The following FANCM variants were observed in gnomAD, a reference collection of about 807,000 sequenced individuals.
The protein encoded by FANCM is FA complementation group M.
Under a neutral mutation model 199.5 loss-of-function variants are expected in FANCM, and 140 were observed. That is an observed-to-expected ratio of 0.70 (90% CI 0.61 to 0.81). FANCM has a LOEUF of 0.81. Among genes scored for constraint, FANCM ranks in the 30% least tolerant of loss-of-function variants. FANCM has a pLI of 0.00. For missense variants in FANCM, 2,410 were observed against 2,421.4 expected (o/e 1.00, Z 0.10); for synonymous variants, 840 against 836.8 (o/e 1.00, Z -0.07).
Position 45,198,771 on chromosome 14 carries a change from G to A in FANCM, c.5844G>A (p.Leu1948=). The change falls in exon 22 of 23, where the codon CTG becomes CTA. Residue 1948 remains leucine, a synonymous_variant. Transcript: ENST00000267430. ...QEETADLLKE[L]SLVEQRKNVG... is the part of the protein sequence containing the mutation. ...AAACCGCAGATTTGCTAAAGGAACT[G>A]TCTTTAGTGGAACAAAGAAAGAATG... 6.2e-7 allele frequency: 1 copy of A among 1,614,042 alleles called. No homozygotes were observed. The highest frequency in any genetic ancestry group is 8.5e-7 in the Non-Finnish European group (1 of 1,179,952).
rs776212643 is a variant in FANCM, at chr14:45,170,780, C to CG, written c.2160+34_2160+35insG. The CG allele has an allele frequency of 8.9e-6, 14 of 1,579,086 alleles. No homozygotes were observed. In the South Asian group the frequency reaches 1.6e-4, roughly 18 times the overall value. On this transcript the variant is annotated intron_variant, in intron 12 of 22. Coordinates refer to ENST00000267430, the MANE Select transcript of FANCM (RefSeq NM_020937.4). Reference sequence around the variant, plus strand: ...AATATATTTTCAGATGTTCTTTTCCCCCCCCTCATTTTAATGCCAGAACCC... The same window carrying CG: ...AATATATTTTCAGATGTTCTTTTCCCGCCCCCTCATTTTAATGCCAGAACCC...
Position 45,185,309 on chromosome 14 carries a change from T to C in FANCM, c.4608T>C (p.Asn1536=). Residue 1536 remains asparagine, a synonymous_variant, in exon 18 of 23, where the codon AAT becomes AAC. Transcript: ENST00000267430. ...VSSDENDESE[N]EQDSSLLDFL... ...CAGATGAAAATGATGAGTCAGAAAA[T>C]GAACAAGATTCCTCATTACTTGACT... 1.3e-6 allele frequency: 2 copies of C among 1,596,986 alleles called. No individual in the cohort carries two copies. The highest frequency in any genetic ancestry group is 1.7e-6 in the Non-Finnish European group (2 of 1,166,930).
At chr14:45,154,352 G>C (rs1887034722) in intron 6 of FANCM, among the ~76,000 whole-genome samples, 1 of 147,054 alleles carries the variant, frequency 6.8e-6, no homozygotes, top group Admixed American at 6.9e-5. Flanking sequence ...CTTGAGTCAA[G>C]ATCATGCTGC....
rs1257244524 is a variant in FANCM, at chr14:45,153,960, G to C, written c.1091G>C (p.Cys364Ser). 1.1e-5 allele frequency: 18 copies of C among 1,604,268 alleles called. No individual in the cohort carries two copies. The Admixed American group carries it at 2.7e-4, about 24-fold the overall frequency. The change falls in exon 6 of 23, where the codon TGT becomes TCT. Residue 364 changes from cysteine (C) to serine (S), a missense_variant. Coordinates refer to ENST00000267430, the MANE Select transcript of FANCM (RefSeq NM_020937.4). ...ATAATCGAGGGAGAGTTTGCTATTTGTATTAGTTTATATCATGGTTATGAA... is the reference window on the plus strand; with the variant it reads ...ATAATCGAGGGAGAGTTTGCTATTTCTATTAGTTTATATCATGGTTATGAA... ...QGIIEGEFAI[C>S]ISLYHGYELL...
chr14:45,191,925 T>A (rs945499248), intron 20 of FANCM, among the ~76,000 whole-genome samples: 2 of 152,162 alleles, frequency 1.3e-5, no homozygotes, highest in African/African-American at 4.8e-5. Flanking sequence ...TTTCTTTGTA[T>A]TTCCTGACCT....
At chr14:45,159,336 G>A in intron 9 of FANCM, 56 bp downstream of exon 9, 1 of 1,359,336 alleles carries the variant, frequency 7.4e-7, no homozygotes, top group Non-Finnish European at 1.0e-6. Flanking sequence ...CTTTGCACTT[G>A]TTCTTTTTTT....
At chr14:45,166,705 G>T (rs1332623927) in intron 10 of FANCM, among the ~76,000 whole-genome samples, 2 of 151,530 alleles carry the variant, frequency 1.3e-5, no homozygotes, top group African/African-American at 4.9e-5. Flanking sequence ...GAGCCCAGGA[G>T]GTTGAGGCTG....
At chr14:45,190,409 A>T (rs766339557) in intron 20 of FANCM, among the ~76,000 whole-genome samples, 16 of 152,210 alleles carry the variant, frequency 1.1e-4, no homozygotes, top group Non-Finnish European at 2.2e-4. Context: ...TGGCTAGATC[A>T]AGCTAATTAA....
At position 45,138,946 on chromosome 14, in the gene FANCM, AGT is replaced by A. The variant is rs1462442673; in HGVS notation, c.682-1685_682-1684del. ...ATTTGGCTTACTTTTCATATGTAAT[AGT>A]TCTGGAAGGCATATTGATACATGTG... is the stretch of plus-strand genomic sequence containing the variant. On this transcript the variant is annotated intron_variant, in intron 2 of 22. Transcript: ENST00000267430. 3.9e-5 allele frequency among the ~76,000 whole-genome samples: 6 copies of A among 152,228 alleles called. No individual in the cohort carries two copies. The East Asian group carries it at 1.2e-3, about 29-fold the overall frequency.
At chr14:45,143,091 T>G (rs1886091210) in intron 3 of FANCM, among the ~76,000 whole-genome samples, 1 of 152,042 alleles carries the variant, frequency 6.6e-6, no homozygotes, top group South Asian at 2.1e-4. Flanking sequence ...AGTCCAATAC[T>G]ATTTTATCAA....
At position 45,189,185 on chromosome 14, in the gene FANCM, T is replaced by G. The variant is rs1348275509; in HGVS notation, c.5163T>G (p.Thr1721=). ...GSSAQSKVRS[T]PRVNPLAKQS... ...CTGCGCAGTCCAAGGTGCGTTCTAC[T>G]CCAAGAGTTAATCCATTAGCAAAGC... Residue 1721 remains threonine (T), a synonymous_variant, in exon 20 of 23, where the codon ACT becomes ACG. Transcript: ENST00000267430. 1 of 1,614,166 alleles carries G rather than the reference T, an allele frequency of 6.2e-7. No homozygotes were observed. Among genetic ancestry groups the G allele is most frequent in the South Asian group, 1.1e-5 (1 of 91,078 alleles).
Position 45,135,965 on chromosome 14 carries a change from G to C in FANCM, c.-67G>C. 6.4e-7 allele frequency: 1 copy of C among 1,558,314 alleles called. No homozygotes were observed. On this transcript the variant is annotated 5_prime_UTR_variant, in exon 1 of 23. Coordinates refer to ENST00000267430, the MANE Select transcript of FANCM (RefSeq NM_020937.4). ...GTGCGAAGGAAACCGATGGGGATCG[G>C]AACCGTAGCGGTTGAGCTGCTGCTG...
intron 3 of FANCM, among the ~76,000 whole-genome samples, chr14:45,145,400 C>G (rs1594761612): frequency 6.6e-6 from 1 of 152,058 alleles, no homozygotes; most frequent in Admixed American, 6.6e-5. Flanking sequence ...AACTTAAGTT[C>G]CAACCACTAG....
chr14:45,200,855 C>T lies in FANCM; in HGVS notation c.*847C>T, dbSNP rs551623775. 2 of 152,064 alleles carry T rather than the reference C, an allele frequency of 1.3e-5. No individual in the cohort carries two copies. The highest frequency in any genetic ancestry group is 2.9e-5 in the Non-Finnish European group (2 of 68,042). 9.4% of individuals were successfully genotyped at this position (152,064 alleles called of 1,614,324 possible). The stretch of plus-strand genomic sequence containing the variant: ...CCGAGGCCTCCCCAGCCATGCAGGA[C>T]TGTGAGTCAATTAAACATCTTTTCC... On this transcript the variant is annotated 3_prime_UTR_variant, in exon 23 of 23. Transcript: ENST00000267430.
In FANCM at chr14:45,189,078, T is replaced by A. The variant is rs1188747235; in HGVS notation, c.5056T>A (p.Ser1686Thr). The A allele has an allele frequency of 6.2e-7, 1 of 1,614,158 alleles. No homozygotes were observed. The highest frequency in any genetic ancestry group is 1.7e-5 in the Admixed American group (1 of 60,020). The part of the protein sequence containing the change: ...EENNVNDKRE[S>T]NIAVNPSTVK... ...GAACAATGTAAATGATAAAAGAGAA[T>A]CTAATATTGCGGTTAACCCAAGCAC... The change falls in exon 20 of 23, where the codon TCT becomes ACT. Residue 1686 changes from serine to threonine, a missense_variant. Ser to Thr is a moderately conservative substitution (Grantham distance 58, BLOSUM62 1). Transcript: ENST00000267430.
chr14:45,142,468 G>A (rs546171574), intron 3 of FANCM, among the ~76,000 whole-genome samples: 12 of 151,768 alleles, frequency 7.9e-5, no homozygotes, highest in African/African-American at 2.4e-4. Context: ...CACCATGCCC[G>A]GCTAATTTTT....
intron 11 of FANCM, among the ~76,000 whole-genome samples, chr14:45,167,992 A>G (rs1262040028): frequency 6.6e-6 from 1 of 152,136 alleles, no homozygotes; most frequent in African/African-American, 2.4e-5. Context: ...TACGCTGAAA[A>G]ATCTGTGTCT....
At chr14:45,181,586 T>G (rs1269974877) in intron 15 of FANCM, 51 bp from the exon 16 acceptor site, 1 of 1,538,668 alleles carries the variant, frequency 6.5e-7, no homozygotes, top group African/African-American at 1.4e-5. Context: ...TTTTATACCT[T>G]GGGCTTCTGC....
rs759751361 is a variant in FANCM, at chr14:45,175,333, AAAT to A, written c.2582_2584del (p.Ile861del). 1.9e-6 allele frequency: 3 copies of A among 1,560,926 alleles called. No individual in the cohort carries two copies. The South Asian group carries it at 3.6e-5, about 19-fold the overall frequency. On this transcript the variant is annotated inframe_deletion, in exon 14 of 23. Coordinates refer to ENST00000267430, the MANE Select transcript of FANCM (RefSeq NM_020937.4). ...TCTTTAAAGAAAAAAGTGTCTAAAG[AAAT>A]AAAAAAAGATCAGCTTAAAAAAGAA...
Sources: gnomAD v4.1 joint callset for allele counts (sites outside exome capture counted in the v4.1 genomes callset) on GRCh38, gnomAD v4.1.1 for gene constraint, MANE v1.5 for transcripts, NCBI Gene and HGNC (gene_info 2026-07-23, HGNC 2026-07-21) for gene names.